LRRC4C: variants seen among roughly 807,000 people sequenced by gnomAD.
The protein encoded by LRRC4C is leucine-rich repeat-containing protein 4C.
A neutral mutation model predicts 33.6 loss-of-function variants in LRRC4C; 5 were observed. That is an observed-to-expected ratio of 0.15 (90% CI 0.08 to 0.31). LRRC4C has a LOEUF of 0.31. Ranked by LOEUF, LRRC4C falls within the 10% of genes least tolerant of loss-of-function variation. LRRC4C has a pLI of 1.00. For missense variants in LRRC4C, 560 were observed against 796.7 expected, an observed-to-expected ratio of 0.70 and a Z score of 3.58; for synonymous variants, 329 against 302.0, an observed-to-expected ratio of 1.09 and a Z score of -0.93.
intron 1 of LRRC4C, among the ~76,000 whole-genome samples, chr11:41,161,195 C>A (rs1944455372): frequency 6.6e-6 from 1 of 152,124 alleles, no homozygotes; most frequent in South Asian, 2.1e-4. Flanking sequence ...AAAAGACATT[C>A]CATAGTCAGT....
intron 2 of LRRC4C, among the ~76,000 whole-genome samples, chr11:40,862,530 C>A (rs547372244): frequency 1.3e-5 from 2 of 152,238 alleles, no homozygotes; most frequent in South Asian, 2.1e-4. Context: ...TAAATACTAA[C>A]CTTCATGTCA....
intron 1 of LRRC4C, among the ~76,000 whole-genome samples, chr11:41,341,165 G>A (rs1437384597): frequency 6.6e-6 from 1 of 152,174 alleles, no homozygotes; most frequent in African/African-American, 2.4e-5. Flanking sequence ...AGTGTGTTAG[G>A]TGAGGATGTT....
At position 41,231,653 on chromosome 11, in the gene LRRC4C, A is replaced by G. The variant is rs192360296; in HGVS notation, c.-496+227778T>C. On this transcript the variant is annotated intron_variant, in intron 1 of 6. Transcript: ENST00000528697. ...GGGAAGAGGGATAGCATTAGGAGAT[A>G]TACCTAATGTAAATGACGCGTTAAT... 3.2e-3 allele frequency among the ~76,000 whole-genome samples: 481 copies of G among 151,778 alleles called. 1 individual carries two copies. Among genetic ancestry groups the G allele is most frequent in the African/African-American group, 0.011 (456 of 41,348 alleles).
At chr11:41,426,102 A>G (rs1325048370) in intron 1 of LRRC4C, 1 of 152,224 alleles carries the variant, frequency 6.6e-6, no homozygotes, top group Non-Finnish European at 1.5e-5. Context: ...AACAAGGGAC[A>G]AGATCTGGAT....
intron 2 of LRRC4C, among the ~76,000 whole-genome samples, chr11:40,744,980 T>A (rs1293003334): frequency 6.6e-6 from 1 of 152,130 alleles, no homozygotes; most frequent in Non-Finnish European, 1.5e-5. Context: ...ATGATGAGAA[T>A]AATATCCATC....
At chr11:40,579,583 G>A (rs567742571) in intron 3 of LRRC4C, among the ~76,000 whole-genome samples, 1 of 152,238 alleles carries the variant, frequency 6.6e-6, no homozygotes, top group African/African-American at 2.4e-5. Context: ...CATTACCACA[G>A]TCTAGTTTTA....
chr11:41,151,015 A>AACAC (rs150938436), intron 1 of LRRC4C, among the ~76,000 whole-genome samples: 1 of 150,404 alleles, frequency 6.6e-6, no homozygotes, highest in African/African-American at 2.4e-5. Flanking sequence ...TGCTCCCTGC[A>AACAC]ACACACACAC....
At chr11:40,246,136 G>T (rs1866319018) in intron 4 of LRRC4C, among the ~76,000 whole-genome samples, 1 of 151,784 alleles carries the variant, frequency 6.6e-6, no homozygotes, top group South Asian at 2.1e-4. Context: ...ACCACACCTG[G>T]CTAATTTTTA....
intron 2 of LRRC4C, among the ~76,000 whole-genome samples, chr11:40,916,003 G>T (rs1205212218): frequency 6.6e-6 from 1 of 152,036 alleles, no homozygotes; most frequent in Non-Finnish European, 1.5e-5. Context: ...TGAGATACCA[G>T]CTCATACCAG....
intron 1 of LRRC4C, among the ~76,000 whole-genome samples, chr11:41,007,065 T>G (rs1565294360): frequency 6.6e-6 from 1 of 152,186 alleles, no homozygotes. Flanking sequence ...GTTGTCATTT[T>G]GAATAGATGA....
At chr11:40,720,053 G>A (rs759013229) in intron 2 of LRRC4C, among the ~76,000 whole-genome samples, 1 of 152,162 alleles carries the variant, frequency 6.6e-6, no homozygotes, top group Non-Finnish European at 1.5e-5. Context: ...TATAGTGTCA[G>A]CCTTGCTTAT....
At chr11:40,141,291 A>G (rs961059037) in intron 5 of LRRC4C, among the ~76,000 whole-genome samples, 1 of 152,108 alleles carries the variant, frequency 6.6e-6, no homozygotes, top group Admixed American at 6.6e-5. Flanking sequence ...TGCAAATTCT[A>G]TTTGGGATTG....
At chr11:41,312,404 G>A (rs1472571280) in intron 1 of LRRC4C, among the ~76,000 whole-genome samples, 2 of 152,148 alleles carry the variant, frequency 1.3e-5, no homozygotes, top group Non-Finnish European at 2.9e-5. Context: ...ACAGAGTAAT[G>A]TTTAGGAATT....
chr11:40,347,221 T>C (rs974407792), intron 3 of LRRC4C, among the ~76,000 whole-genome samples: 1 of 152,264 alleles, frequency 6.6e-6, no homozygotes, highest in Non-Finnish European at 1.5e-5. Context: ...CAGCACTTGC[T>C]ACTTCACCTT....
chr11:40,784,040 A>G (rs774842055), intron 2 of LRRC4C, among the ~76,000 whole-genome samples: 1 of 151,804 alleles, frequency 6.6e-6, no homozygotes, highest in Non-Finnish European at 1.5e-5. Flanking sequence ...TTTAGTTAAA[A>G]TAAGAATCAT....
intron 2 of LRRC4C, among the ~76,000 whole-genome samples, chr11:40,904,285 G>C (rs1457578877): frequency 6.6e-6 from 1 of 152,104 alleles, no homozygotes; most frequent in African/African-American, 2.4e-5. Context: ...AGAAGTCGTA[G>C]GTCACACATA....
At chr11:40,693,501 G>C (rs10837479) in intron 2 of LRRC4C, among the ~76,000 whole-genome samples, 8,380 of 152,008 alleles carry the variant, frequency 0.055, 771 homozygotes, top group African/African-American at 0.19. Context: ...GGCTCTGCAG[G>C]GGGTAGGTAA....
chr11:41,324,427 T>C (rs922282922), intron 1 of LRRC4C, among the ~76,000 whole-genome samples: 3 of 152,208 alleles, frequency 2.0e-5, no homozygotes, highest in East Asian at 1.9e-4. Context: ...TGAAACTCCC[T>C]CTCAAAAAAA....
intron 1 of LRRC4C, among the ~76,000 whole-genome samples, chr11:41,112,853 A>T (rs1164951646): frequency 6.6e-6 from 1 of 152,126 alleles, no homozygotes; most frequent in African/African-American, 2.4e-5. Context: ...CTAATGTGGT[A>T]GAAAAACAAA....
Sources: gnomAD v4.1 joint callset for allele counts (sites outside exome capture counted in the v4.1 genomes callset) on GRCh38, gnomAD v4.1.1 for gene constraint, MANE v1.5 for transcripts, NCBI Gene and HGNC (gene_info 2026-07-23, HGNC 2026-07-21) for gene names.